Variants in AGBL1 observed in about 807,000 individuals in gnomAD.
AGBL1 encodes the protein AGBL carboxypeptidase 1.
A neutral mutation model predicts 118.9 loss-of-function variants in AGBL1; 130 were observed. The ratio of observed to expected loss-of-function variants is 1.09; its 90% CI spans 0.95 to 1.26. The LOEUF is 1.26. AGBL1 is among the 50% of genes most tolerant of loss of function. AGBL1 has a pLI of 0.00. For synonymous variants in AGBL1, 555 were observed against 478.9 expected (o/e 1.16, Z -2.08); for missense variants, 1,584 against 1,298.1 (o/e 1.22, Z -3.38).
At chr15:86,608,597 C>G (rs762624790) in intron 21 of AGBL1, among the ~76,000 whole-genome samples, 2 of 152,028 alleles carry the variant, frequency 1.3e-5, no homozygotes, top group African/African-American at 4.8e-5. Flanking sequence ...CCTGAGAGAC[C>G]ACTATATACG....
chr15:86,197,878 A>C (rs897528064), intron 5 of AGBL1, among the ~76,000 whole-genome samples: 1 of 151,978 alleles, frequency 6.6e-6, no homozygotes, highest in African/African-American at 2.4e-5. Flanking sequence ...TATTTCACTG[A>C]AAACATGAGC....
chr15:86,685,167 G>T (rs2086031233), intron 22 of AGBL1, among the ~76,000 whole-genome samples: 1 of 152,108 alleles, frequency 6.6e-6, no homozygotes. Flanking sequence ...TTCTTACCAG[G>T]AATGTCAATA....
intron 21 of AGBL1, among the ~76,000 whole-genome samples, chr15:86,653,639 C>T (rs941850139): frequency 6.6e-6 from 1 of 152,166 alleles, no homozygotes; most frequent in African/African-American, 2.4e-5. Flanking sequence ...ATTCACCCTA[C>T]CTATGCCATC....
intron 23 of AGBL1, among the ~76,000 whole-genome samples, chr15:86,955,269 C>T (rs2141676502): frequency 6.6e-6 from 1 of 151,934 alleles, no homozygotes; most frequent in East Asian, 1.9e-4. Context: ...TTTAAAACTC[C>T]TAAGCACAAT....
chr15:86,083,931 A>C (rs1895461040), intron 1 of AGBL1, among the ~76,000 whole-genome samples: 1 of 152,222 alleles, frequency 6.6e-6, no homozygotes, highest in Admixed American at 6.5e-5. Context: ...TGGACAATCA[A>C]GGGAAGAATT....
At chr15:86,471,118 T>C (rs893675242) in intron 18 of AGBL1, among the ~76,000 whole-genome samples, 1 of 152,116 alleles carries the variant, frequency 6.6e-6, no homozygotes, top group African/African-American at 2.4e-5. Context: ...AAGAGGAAAA[T>C]CTTTCACTTT....
At chr15:86,170,885 C>CAA (rs34169705) in intron 5 of AGBL1, among the ~76,000 whole-genome samples, 1,583 of 137,140 alleles carry the variant, frequency 0.012, 33 homozygotes, top group African/African-American at 0.038. Context: ...AAACCAATGA[C>CAA]AAAAAAAAAA....
chr15:86,820,679 C>T (rs1596515924), intron 22 of AGBL1, among the ~76,000 whole-genome samples: 1 of 152,102 alleles, frequency 6.6e-6, no homozygotes, highest in Admixed American at 6.6e-5. Flanking sequence ...AGTCAGGAAA[C>T]AACAGAAACT....
At chr15:86,934,589 GC>G (rs1263600113) in intron 23 of AGBL1, among the ~76,000 whole-genome samples, 1 of 151,948 alleles carries the variant, frequency 6.6e-6, no homozygotes. Context: ...CTTGGAGATG[GC>G]TAAAATAAAT....
At chr15:86,451,287 T>C (rs781220081) in intron 18 of AGBL1, among the ~76,000 whole-genome samples, 15 of 152,228 alleles carry the variant, frequency 9.9e-5, no homozygotes, top group Admixed American at 2.0e-4. Flanking sequence ...AGAGAAAGAG[T>C]GTAAATGAAG....
intron 22 of AGBL1, among the ~76,000 whole-genome samples, chr15:86,819,863 G>C (rs2078914882): frequency 6.6e-6 from 1 of 152,010 alleles, no homozygotes; most frequent in Non-Finnish European, 1.5e-5. Flanking sequence ...AACAAAGCTA[G>C]AGGCATCACG....
chr15:86,543,817 T>C (rs1221031668), intron 19 of AGBL1, among the ~76,000 whole-genome samples: 1 of 152,220 alleles, frequency 6.6e-6, no homozygotes, highest in African/African-American at 2.4e-5. Flanking sequence ...GCTATATCCA[T>C]CTTATTCATC....
rs1014651963 is a variant in AGBL1 at position 86,928,358 on chromosome 15, G to C, written c.3222-59629G>C. ...CGGTGGAAGGGACCAGGGAGGACCT[G>C]GCCTAAGAGAGGCCCTGTCTGCAGA... On this transcript the variant is annotated intron_variant, in intron 23 of 24. Coordinates refer to the AGBL1 transcript ENST00000441037. 9.2e-5 allele frequency among the ~76,000 whole-genome samples: 14 copies of C among 152,154 alleles called. 2 individuals carry two copies. The highest frequency in any genetic ancestry group is 9.2e-4 in the Admixed American group (14 of 15,284).
intron 3 of AGBL1, among the ~76,000 whole-genome samples, chr15:86,151,077 C>T (rs537053032): frequency 2.0e-5 from 3 of 151,244 alleles, no homozygotes; most frequent in East Asian, 3.9e-4. Context: ...ACCGCATATT[C>T]TTACTCATAG....
rs1041597599 is a variant in AGBL1, at chr15:86,870,797, T to C, written c.3159-36290T>C. Among the ~76,000 whole-genome samples the C allele has an allele frequency of 4.6e-5, 7 of 152,204 alleles. No individual in the cohort carries two copies. In the South Asian group the frequency reaches 1.4e-3, roughly 31 times the overall value. Reference sequence around the variant, plus strand: ...CTGGTGCTGTCTATACTATAGGGGATACATCATATGTACTGAGATTACTAT... The same window carrying C: ...CTGGTGCTGTCTATACTATAGGGGACACATCATATGTACTGAGATTACTAT... On this transcript the variant is annotated intron_variant, in intron 22 of 22. Coordinates refer to ENST00000614907, the MANE Select transcript of AGBL1 (RefSeq NM_001386094.1).
intron 21 of AGBL1, among the ~76,000 whole-genome samples, chr15:86,624,415 G>T (rs943059329): frequency 3.3e-5 from 5 of 152,198 alleles, no homozygotes; most frequent in African/African-American, 1.2e-4. Flanking sequence ...AGTATACAGT[G>T]CCATGGTTTG....
chr15:86,468,594 A>G (rs2082437551), intron 18 of AGBL1, among the ~76,000 whole-genome samples: 1 of 152,172 alleles, frequency 6.6e-6, no homozygotes, highest in African/African-American at 2.4e-5. Context: ...TGACCTCATT[A>G]TTAGCCCTTG....
chr15:86,628,555 G>C (rs993114021), intron 21 of AGBL1, among the ~76,000 whole-genome samples: 7 of 152,216 alleles, frequency 4.6e-5, no homozygotes, highest in Admixed American at 4.6e-4. Flanking sequence ...CCAGCCCTTT[G>C]GGAGGCCGAG....
At chr15:86,535,048 T>G (rs2083405750) in intron 19 of AGBL1, among the ~76,000 whole-genome samples, 1 of 152,090 alleles carries the variant, frequency 6.6e-6, no homozygotes, top group Non-Finnish European at 1.5e-5. Context: ...AAAATTAAAA[T>G]TAAAGCAAAG....
Sources: gnomAD v4.1 joint callset for allele counts (sites outside exome capture counted in the v4.1 genomes callset) on GRCh38, gnomAD v4.1.1 for gene constraint, MANE v1.5 for transcripts, NCBI Gene and HGNC (gene_info 2026-07-23, HGNC 2026-07-21) for gene names.